GULP1: variants seen among roughly 807,000 people sequenced by gnomAD.
GULP1 encodes the protein GULP PTB domain containing engulfment adaptor 1.
Under a neutral mutation model 40.9 loss-of-function variants are expected in GULP1, and 19 were observed. The observed-to-expected ratio is 0.46, with a 90% CI of 0.32 to 0.68. The LOEUF is 0.68. GULP1 is among the 30% of genes least tolerant of loss of function. The pLI, the probability that GULP1 is intolerant of heterozygous loss-of-function variation, is 0.03. For missense variants in GULP1, 312 were observed against 362.2 expected (o/e 0.86, Z 1.12); for synonymous variants, 119 against 117.6 (o/e 1.01, Z -0.08).
intron 1 of GULP1, among the ~76,000 whole-genome samples, chr2:188,374,905 T>C (rs933994209): frequency 6.6e-6 from 1 of 152,162 alleles, no homozygotes; most frequent in African/African-American, 2.4e-5. Flanking sequence ...CACACTGTTA[T>C]GTGAAAATGC....
intron 2 of GULP1, among the ~76,000 whole-genome samples, chr2:188,415,076 C>A (rs2054408480): frequency 6.6e-6 from 1 of 152,096 alleles, no homozygotes; most frequent in East Asian, 1.9e-4. Flanking sequence ...AGAACTTAAG[C>A]AGCACTGGTT....
At chr2:188,439,143 G>A (rs1194100012) in intron 2 of GULP1, among the ~76,000 whole-genome samples, 1 of 151,948 alleles carries the variant, frequency 6.6e-6, no homozygotes, top group African/African-American at 2.4e-5. Context: ...AGAAGTCTTG[G>A]TTAGCTGATA....
intron 1 of GULP1, among the ~76,000 whole-genome samples, chr2:188,344,090 G>A (rs752566282): frequency 6.6e-6 from 1 of 152,190 alleles, no homozygotes; most frequent in Non-Finnish European, 1.5e-5. Context: ...TTACAGGCAT[G>A]AGCCACCACG....
intron 4 of GULP1, among the ~76,000 whole-genome samples, chr2:188,504,324 C>A (rs1259695184): frequency 1.3e-5 from 2 of 151,884 alleles, no homozygotes; most frequent in Admixed American, 1.3e-4. Flanking sequence ...TGGAAGTTTA[C>A]TGGAAGTAGG....
At chr2:188,514,082 T>TGTGTGTGTGTGTGTGTGTGTGC (rs766246317) in intron 4 of GULP1, among the ~76,000 whole-genome samples, 7 of 149,252 alleles carry the variant, frequency 4.7e-5, no homozygotes, top group South Asian at 2.1e-4. Flanking sequence ...TGTGTGTGTG[T>TGTGTGTGTGTGTGTGTGTGTGC]GCGCCCTGCC....
chr2:188,400,012 G>A (rs1333504729), intron 2 of GULP1, among the ~76,000 whole-genome samples: 1 of 152,054 alleles, frequency 6.6e-6, no homozygotes, highest in East Asian at 1.9e-4. Context: ...TAAGATAGGA[G>A]GCATAGAACT....
chr2:188,391,365 G>A (rs757453264), intron 2 of GULP1, among the ~76,000 whole-genome samples: 45 of 151,838 alleles, frequency 3.0e-4, no homozygotes, highest in Non-Finnish European at 5.7e-4. Context: ...TTTAATTTTT[G>A]CAGCTATTGT....
chr2:188,468,721 G>T lies in GULP1; in HGVS notation c.-44-8938G>T, dbSNP rs934416954. 2.0e-5 allele frequency among the ~76,000 whole-genome samples: 3 copies of T among 152,128 alleles called. No individual in the cohort carries two copies. The South Asian group carries it at 6.2e-4, about 31-fold the overall frequency. ...AATTAGTTCAGTGAAATAGATTGGG[G>T]TTAGTTGCCAGAAATCTTTCCAAAT... On this transcript the variant is annotated intron_variant, in intron 2 of 11. Coordinates refer to ENST00000409830, the MANE Select transcript of GULP1 (RefSeq NM_016315.4).
At chr2:188,491,002 G>C (rs1321440455) in intron 4 of GULP1, among the ~76,000 whole-genome samples, 1 of 151,890 alleles carries the variant, frequency 6.6e-6, no homozygotes, top group Admixed American at 6.6e-5. Flanking sequence ...TCGCCACGTT[G>C]CTTATTGCTG....
chr2:188,494,376 C>G (rs370211882), intron 4 of GULP1, among the ~76,000 whole-genome samples: 2 of 152,030 alleles, frequency 1.3e-5, no homozygotes, highest in Admixed American at 1.3e-4. Context: ...TATGATGAAA[C>G]AGCGGATTTT....
intron 1 of GULP1, among the ~76,000 whole-genome samples, chr2:188,352,559 C>T (rs2044601418): frequency 1.3e-5 from 2 of 151,578 alleles, no homozygotes; most frequent in Non-Finnish European, 2.9e-5. Context: ...ATTTTTCTCT[C>T]TCTCTTTTTC....
chr2:188,430,323 G>A (rs181612317), intron 2 of GULP1, among the ~76,000 whole-genome samples: 38 of 152,292 alleles, frequency 2.5e-4, no homozygotes, highest in African/African-American at 7.7e-4. Context: ...AACAGGAATT[G>A]TTGCAAAATC....
intron 7 of GULP1, among the ~76,000 whole-genome samples, chr2:188,557,534 C>G (rs1695091966): frequency 6.6e-6 from 1 of 152,202 alleles, no homozygotes; most frequent in Non-Finnish European, 1.5e-5. Flanking sequence ...GAGGTGGGCT[C>G]CCAAGGTCTT....
chr2:188,352,083 A>G (rs2044528833), intron 1 of GULP1, among the ~76,000 whole-genome samples: 1 of 152,120 alleles, frequency 6.6e-6, no homozygotes, highest in Non-Finnish European at 1.5e-5. Flanking sequence ...ACCAATTTGA[A>G]TGATAAATTG....
At chr2:188,404,408 C>T (rs549960506) in intron 2 of GULP1, among the ~76,000 whole-genome samples, 3 of 152,150 alleles carry the variant, frequency 2.0e-5, no homozygotes, top group South Asian at 2.1e-4. Context: ...ATTCCCCAAC[C>T]CCAGCCCTCT....
At chr2:188,464,802 TG>T (rs2059982899) in intron 2 of GULP1, among the ~76,000 whole-genome samples, 2 of 152,170 alleles carry the variant, frequency 1.3e-5, no homozygotes, top group Non-Finnish European at 2.9e-5. Flanking sequence ...TTCAGGCCTA[TG>T]GGGAGTACTG....
At chr2:188,581,399 T>C (rs1332950763) in intron 9 of GULP1, among the ~76,000 whole-genome samples, 1 of 152,176 alleles carries the variant, frequency 6.6e-6, no homozygotes, top group Non-Finnish European at 1.5e-5. Flanking sequence ...AAATGGAGCA[T>C]TGATGGAGCA....
At chr2:188,436,669 T>C (rs1368657291) in intron 2 of GULP1, among the ~76,000 whole-genome samples, 1 of 152,140 alleles carries the variant, frequency 6.6e-6, no homozygotes, top group Non-Finnish European at 1.5e-5. Context: ...TTTTGACTTA[T>C]ATTTTCAGCT....
In GULP1 at chr2:188,292,949, G is replaced by A. The variant is rs1156898523; in HGVS notation, c.-172+783G>A. On this transcript the variant is annotated intron_variant, in intron 1 of 11. Transcript: ENST00000409830. The surrounding 1 kb of genome is among the most constrained non-coding windows in gnomAD (Gnocchi z 4.0). The stretch of plus-strand genomic sequence containing the variant: ...CACTCGCCACACGGATCAGAATCCG[G>A]AGCAGGCAGTTCTCTCTATTCTGAG... The A allele has an allele frequency of 6.6e-6, 1 of 152,446 alleles. No individual in the cohort carries two copies. Among genetic ancestry groups the A allele is most frequent in the South Asian group, 2.1e-4 (1 of 4,824 alleles). The allele number at this position is 152,446 out of a possible 1,614,324, so 9.4% of individuals were successfully genotyped here.
Sources: allele counts gnomAD v4.1 joint callset (sites outside exome capture counted in the v4.1 genomes callset), GRCh38; gene constraint gnomAD v4.1.1; non-coding constraint Gnocchi (gnomAD v3.1); transcripts MANE v1.5; gene names NCBI Gene and HGNC (gene_info 2026-07-23, HGNC 2026-07-21).